The following LARP1 variants were observed in gnomAD, a reference collection of about 807,000 sequenced individuals.
LARP1 encodes la-related protein 1.
Under a neutral mutation model 122.7 loss-of-function variants are expected in LARP1, and 36 were observed. The ratio of observed to expected loss-of-function variants is 0.29; its 90% CI spans 0.22 to 0.39. LARP1 has a LOEUF of 0.39. Among genes scored for constraint, LARP1 ranks in the 10% least tolerant of loss-of-function variants. LARP1 has a pLI of 1.00. For missense variants in LARP1, 1,040 were observed against 1,403.6 expected, an observed-to-expected ratio of 0.74 and a Z score of 4.14; for synonymous variants, 539 against 528.7, an observed-to-expected ratio of 1.02 and a Z score of -0.27.
chr5:154,728,313 T>C (rs1045726291), intron 1 of LARP1, among the ~76,000 whole-genome samples: 1 of 152,194 alleles, frequency 6.6e-6, no homozygotes, highest in Admixed American at 6.5e-5. Context: ...CCCATTCGTG[T>C]ACCCACACTC....
intron 4 of LARP1, 32 bp from the exon 5 acceptor site, chr5:154,793,563 A>C (rs938082774): frequency 1.2e-6 from 2 of 1,614,052 alleles, no homozygotes; most frequent in Non-Finnish European, 1.7e-6. Flanking sequence ...CTCTCCCTCA[A>C]GCCTTTCTCA....
rs961751166 is a variant in LARP1, at chr5:154,793,995, C to T, written c.1064C>T (p.Thr355Ile). The change falls in exon 6 of 19, where the codon ACT becomes ATT. Residue 355 changes from threonine (T) to isoleucine (I), a missense_variant. This residue lies in a region of LARP1 where 178 missense variants were observed against 178.3 expected (regional missense o/e 1.00). Coordinates refer to ENST00000518297, the MANE Select transcript of LARP1 (RefSeq NM_033551.3). ...GRGRGRGRGGTRTHFDYQFGY... is the reference protein window; with the variant it reads ...GRGRGRGRGGIRTHFDYQFGY... ...GGCCGGGGACGCGGCCGGGGTGGCA[C>T]TCGAAGTACGTGAGGCCCCTTTGGG... is the stretch of plus-strand genomic sequence containing the variant. 2.7e-5 allele frequency: 43 copies of T among 1,609,784 alleles called. No homozygotes were observed. The highest frequency in any genetic ancestry group is 3.7e-5 in the Non-Finnish European group (43 of 1,177,266).
chr5:154,811,125 G>GT (rs1759238601), intron 16 of LARP1, 122 bp from the exon 17 acceptor site: 1 of 725,864 alleles, frequency 1.4e-6, no homozygotes, highest in Admixed American at 2.6e-5. Flanking sequence ...CGTGTATGCT[G>GT]TTTTTTCAAT....
At position 154,803,403 on chromosome 5, in the gene LARP1, G is replaced by T. The variant is rs775241603; in HGVS notation, c.2223G>T (p.Arg741=). Residue 741 remains arginine (R), a synonymous_variant, in exon 12 of 19, where the codon CGG becomes CGT. Transcript: ENST00000518297. This position sits in a 1 kb window ranked among gnomAD's most constrained non-coding sequence, Gnocchi z 4.4. The part of the protein sequence containing the change: ...PNQEVPPGPP[R]FQQVPTDALA... The stretch of plus-strand genomic sequence containing the variant: ...AGGAAGTTCCTCCTGGGCCACCTCG[G>T]TTCCAGCAAGGTGAGAAGCAGACAC... 1.9e-6 allele frequency: 3 copies of T among 1,614,094 alleles called. No individual in the cohort carries two copies. Among genetic ancestry groups the T allele is most frequent in the East Asian group, 4.5e-5 (2 of 44,884 alleles).
chr5:154,701,747 G>T (rs1026963488), intron 1 of LARP1, among the ~76,000 whole-genome samples: 13 of 151,678 alleles, frequency 8.6e-5, no homozygotes, highest in African/African-American at 2.9e-4. Context: ...TCAGCCTCCT[G>T]AGTAGCTGGG....
At chr5:154,771,305 G>T (rs764293799) in intron 1 of LARP1, among the ~76,000 whole-genome samples, 38 of 152,100 alleles carry the variant, frequency 2.5e-4, no homozygotes, top group Admixed American at 4.6e-4. Context: ...CTAATCTCAT[G>T]ATTATTGAAC....
intron 1 of LARP1, among the ~76,000 whole-genome samples, chr5:154,784,035 T>C (rs1756681246): frequency 6.6e-6 from 1 of 152,228 alleles, no homozygotes; most frequent in African/African-American, 2.4e-5. Flanking sequence ...AGGGCCTGCG[T>C]TCCTCTGGGA....
intron 1 of LARP1, chr5:154,718,340 T>G (rs1329047226): frequency 6.6e-6 from 1 of 152,180 alleles, no homozygotes; most frequent in Non-Finnish European, 1.5e-5. Context: ...TATCATCTAT[T>G]CTTTTGTCTT....
exon 1 of LARP1, chr5:154,712,926 A>G (rs2113298721): frequency 6.2e-7 from 1 of 1,614,024 alleles, no homozygotes; most frequent in Non-Finnish European, 8.5e-7. Context: ...TGGTCACTCC[A>G]TGCTTTGGAG....
At chr5:154,795,922 TTATATTTATA>T (rs1561615159) in intron 8 of LARP1, among the ~76,000 whole-genome samples, 83 of 106,014 alleles carry the variant, frequency 7.8e-4, no homozygotes, top group African/African-American at 2.9e-3. Context: ...TATTATATAT[TTATATTTATA>T]TATTATATAT....
chr5:154,791,401 G>A (rs1294868022), intron 3 of LARP1, among the ~76,000 whole-genome samples: 3 of 151,434 alleles, frequency 2.0e-5, no homozygotes, highest in South Asian at 2.1e-4. Context: ...TTTTAGAGAC[G>A]AGGTTTTACC....
At position 154,812,587 on chromosome 5, in the gene LARP1, T is replaced by G. The variant is rs181870701; in HGVS notation, c.3081+947T>G. ...CAGGCTAGAGTGCAGTGGCACGATC[T>G]TGGCTCACTGCAACCTCCGCCTCCC... On this transcript the variant is annotated intron_variant, in intron 18 of 18. Coordinates refer to ENST00000518297, the MANE Select transcript of LARP1 (RefSeq NM_033551.3). 1.9e-3 allele frequency among the ~76,000 whole-genome samples: 272 copies of G among 141,278 alleles called. 4 individuals carry two copies. The East Asian group carries it at 0.026, about 13-fold the overall frequency. 92.7% of individuals were successfully genotyped at this position (141,278 alleles called of 152,430 possible). A position where few individuals can be genotyped will look rare whatever the true frequency, so the allele number is the denominator to read the frequency against.
rs1757653831 is a variant in LARP1 at position 154,795,218 on chromosome 5, C to G, written c.1276C>G (p.Leu426Val). 6.2e-7 allele frequency: 1 copy of G among 1,614,062 alleles called. No homozygotes were observed. The change falls in exon 8 of 19, where the codon CTG becomes GTG. Residue 426 changes from leucine (L) to valine (V), a missense_variant. Leu to Val is a conservative substitution (Grantham distance 32). Around this residue, in one of 8 missense-constraint regions of LARP1, gnomAD observed 362 missense variants for 533.1 expected, o/e 0.68. Coordinates refer to ENST00000518297, the MANE Select transcript of LARP1 (RefSeq NM_033551.3). ...SVDNLERDFF[L>V]RRKMDADGFL... ...GGACAATTTAGAGCGAGACTTCTTCCTGCGAAGGAAAATGGATGCTGATGG... is the reference window on the plus strand; with the variant it reads ...GGACAATTTAGAGCGAGACTTCTTCGTGCGAAGGAAAATGGATGCTGATGG...
chr5:154,762,112 G>A (rs1421031386), intron 1 of LARP1, among the ~76,000 whole-genome samples: 4 of 152,262 alleles, frequency 2.6e-5, no homozygotes, highest in Admixed American at 2.0e-4. Context: ...GCATGGTGGC[G>A]TGTGCCTGTA....
chr5:154,767,388 G>T (rs1191280818), intron 1 of LARP1, among the ~76,000 whole-genome samples: 5 of 152,152 alleles, frequency 3.3e-5, no homozygotes, highest in African/African-American at 1.2e-4. Flanking sequence ...TGCTATAGCT[G>T]GCCTTCCTCT....
intron 1 of LARP1, among the ~76,000 whole-genome samples, chr5:154,706,896 C>A (rs979262430): frequency 1.3e-5 from 2 of 152,134 alleles, no homozygotes; most frequent in African/African-American, 2.4e-5. Context: ...TAAATACTTG[C>A]CTCTGACACT....
chr5:154,712,839 C>A, upstream of LARP1: 5 of 1,241,032 alleles, frequency 4.0e-6, no homozygotes, highest in South Asian at 6.5e-5. Flanking sequence ...TGGAGAGCTC[C>A]CGGGCCAGAG....
intron 16 of LARP1, among the ~76,000 whole-genome samples, chr5:154,809,283 C>T (rs934985333): frequency 2.0e-5 from 3 of 150,396 alleles, no homozygotes; most frequent in South Asian, 2.1e-4. Flanking sequence ...TGGGCTCAAG[C>T]GATCGTTCTG....
intron 1 of LARP1, among the ~76,000 whole-genome samples, chr5:154,692,539 G>A (rs1754271354): frequency 1.3e-5 from 2 of 152,154 alleles, no homozygotes; most frequent in African/African-American, 4.8e-5. Flanking sequence ...TACCTGGAAA[G>A]CCCTTCCTCT....
Sources: allele counts gnomAD v4.1 joint callset (sites outside exome capture counted in the v4.1 genomes callset), GRCh38; gene constraint gnomAD v4.1.1; regional missense constraint gnomAD v4.1.1; non-coding constraint Gnocchi (gnomAD v3.1); transcripts MANE v1.5; gene names NCBI Gene and HGNC (gene_info 2026-07-23, HGNC 2026-07-21).